The following NEB variants were observed in gnomAD, a reference collection of about 807,000 sequenced individuals.
NEB encodes nemaline myopathy type 2.
NEB carries 512 observed loss-of-function variants against 952.2 expected under a neutral mutation model. The observed-to-expected ratio is 0.54, with a 90% confidence interval of 0.50 to 0.58. The LOEUF (loss-of-function observed/expected upper bound fraction) is 0.58, where lower values mean the gene tolerates loss of function less well. NEB is among the 20% of genes least tolerant of loss of function. The probability of loss-of-function intolerance (pLI) is 0.00; values close to 1 mark genes in which losing one functional copy is unlikely to be tolerated. For synonymous variants in NEB, 2,900 were observed against 3,149.8 expected (o/e 0.92, Z 2.66); for missense variants, 8,428 against 9,231.1 (o/e 0.91, Z 3.56).
intron 18 of NEB, 38 bp from the exon 19 acceptor site, chr2:151,694,667 G>C: frequency 1.3e-6 from 2 of 1,502,534 alleles, no homozygotes; most frequent in Non-Finnish European, 1.8e-6. Flanking sequence ...TGGCAAAAGT[G>C]ATATGCATGT....
At chr2:151,520,033 GCAAAA>G in intron 153 of NEB, 7 of 176,186 alleles carry the variant, frequency 4.0e-5, no homozygotes, top group Non-Finnish European at 7.1e-5. Flanking sequence ...TCTTTCTAAT[GCAAAA>G]CAAAAAAAAA....
intron 124 of NEB, among the ~76,000 whole-genome samples, chr2:151,559,283 A>G (rs1417940028): frequency 2.0e-5 from 3 of 152,240 alleles, no homozygotes; most frequent in Non-Finnish European, 2.9e-5. Context: ...TTACAAAGTC[A>G]GGAAACAACA....
At chr2:151,504,391 T>TAAAG (rs2067145768) in intron 165 of NEB, among the ~76,000 whole-genome samples, 2 of 151,984 alleles carry the variant, frequency 1.3e-5, no homozygotes, top group Non-Finnish European at 2.9e-5. Context: ...AAAGCAAAAT[T>TAAAG]AAAGAAAACC....
At chr2:151,680,642 A>G (rs1038200828) in intron 30 of NEB, 88 bp downstream of exon 30, 73 of 986,164 alleles carry the variant, frequency 7.4e-5, no homozygotes, top group Middle Eastern at 4.3e-4. Flanking sequence ...CATATTGTAT[A>G]ATAACTAGAG....
intron 181 of NEB, 53 bp downstream of exon 181, chr2:151,489,918 G>T: frequency 7.4e-7 from 1 of 1,351,884 alleles, no homozygotes; most frequent in Non-Finnish European, 1.1e-6. Context: ...AATCATGTTT[G>T]CACATATCAA....
At chr2:151,695,538 TTG>T in intron 18 of NEB, 38 bp downstream of exon 18, 9 of 1,426,942 alleles carry the variant, frequency 6.3e-6, no homozygotes, top group Non-Finnish European at 8.8e-6. Flanking sequence ...AAAGCACAGG[TTG>T]TCAGTACATC....
At chr2:151,644,234 A>C in intron 56 of NEB, 105 bp from the exon 57 acceptor site, 1 of 1,444,792 alleles carries the variant, frequency 6.9e-7, no homozygotes, top group Non-Finnish European at 9.4e-7. Flanking sequence ...CTAAGCCTAG[A>C]GAGCCAAAGA....
chr2:151,565,151 A>G lies in NEB; in HGVS notation c.18367-3T>C, dbSNP rs1009241474. On this transcript the variant is annotated splice_polypyrimidine_tract_variant and splice_region_variant and intron_variant, in intron 116 of 181. Coordinates refer to ENST00000397345, the MANE Select transcript of NEB (RefSeq NM_001164508.2). ...TTAAATGTTTCTTTATATTTTACCT[A>G]AGGAGAGAAAACCAAATCTTTTATT... The G allele has an allele frequency of 4.1e-6, 6 of 1,449,246 alleles. No individual in the cohort carries two copies. Among genetic ancestry groups the G allele is most frequent in the Non-Finnish European group, 4.7e-6 (5 of 1,055,010 alleles). The allele number at this position is 1,449,246 out of a possible 1,614,324, so 89.8% of individuals were successfully genotyped here.
At chr2:151,628,759 G>C (rs2098592348) in intron 68 of NEB, among the ~76,000 whole-genome samples, 1 of 152,148 alleles carries the variant, frequency 6.6e-6, no homozygotes, top group African/African-American at 2.4e-5. Flanking sequence ...TTACTTGGGA[G>C]GCTGAGGCAG....
At chr2:151,605,084 G>A (rs1430580297) in intron 84 of NEB, among the ~76,000 whole-genome samples, 1 of 131,698 alleles carries the variant, frequency 7.6e-6, no homozygotes, top group Non-Finnish European at 1.7e-5. Context: ...GGAGGGAGAT[G>A]GTATGGTGAA....
chr2:151,490,215 TC>T (rs2055183118), intron 180 of NEB, 138 bp from the exon 181 acceptor site: 8 of 1,165,574 alleles, frequency 6.9e-6, no homozygotes, highest in Non-Finnish European at 9.7e-6. Flanking sequence ...AAATGAAACA[TC>T]TAACTTCATG....
chr2:151,610,643 C>T lies in NEB; in HGVS notation c.11911-20G>A, dbSNP rs749556721. ...AAGTTTCTAGGGAAGGGATAATAGA[C>T]GACAGAAAATAAGAGTGTTTGAGGA... On this transcript the variant is annotated intron_variant, in intron 79 of 181. Transcript: ENST00000397345. The T allele has an allele frequency of 8.2e-5, 130 of 1,591,838 alleles. No individual in the cohort carries two copies. Among genetic ancestry groups the T allele is most frequent in the Non-Finnish European group, 9.7e-5 (112 of 1,159,844 alleles).
rs1054864651 is a variant in NEB, at chr2:151,578,211, G to A, written c.16704+1127C>T. Among the ~76,000 whole-genome samples, 20 of 151,922 alleles carry A rather than the reference G, an allele frequency of 1.3e-4. 1 individual carries two copies. Among genetic ancestry groups the A allele is most frequent in the African/African-American group, 4.8e-4 (20 of 41,424 alleles). On this transcript the variant is annotated intron_variant, in intron 105 of 181. Transcript: ENST00000397345. ...TCCATCATTTCCAAAAGTTTGAAGGGCGGAAAATACGAGTAAATCTAAAAA... is the reference window on the plus strand; with the variant it reads ...TCCATCATTTCCAAAAGTTTGAAGGACGGAAAATACGAGTAAATCTAAAAA...
Position 151,535,748 on chromosome 2 carries a change from A to G in NEB, c.21255T>C (p.Tyr7085=). 1 of 1,609,042 alleles carries G rather than the reference A, an allele frequency of 6.2e-7. No homozygotes were observed. Among genetic ancestry groups the G allele is most frequent in the Non-Finnish European group, 8.5e-7 (1 of 1,177,320 alleles). ...VFERTKSDFK[Y]VADSPINRHF... is the part of the protein sequence containing the mutation. Reference sequence around the variant, plus strand: ...GCCTATTGATCGGAGAGTCGGCAACATACTTGAAATCTGACTTTGTCCTTT... The same window carrying G: ...GCCTATTGATCGGAGAGTCGGCAACGTACTTGAAATCTGACTTTGTCCTTT... Residue 7085 remains tyrosine (Y), a synonymous_variant, in exon 142 of 182, where the codon TAT becomes TAC. Transcript: ENST00000397345.
At position 151,679,767 on chromosome 2, in the gene NEB, G is replaced by T; in HGVS notation, c.3209C>A (p.Ala1070Glu). The change falls in exon 32 of 182, where the codon GCG (alanine) becomes GAG (glutamate). Residue 1070 changes from alanine (A) to glutamate (E), a missense_variant. Around this residue, in one of 11 missense-constraint regions of NEB, gnomAD observed 2,851 missense variants for 2,791.5 expected, o/e 1.02. Coordinates refer to ENST00000397345, the MANE Select transcript of NEB (RefSeq NM_001164508.2). ...SKKGYDLRTD[A>E]IPIRAAKAAR... Reference sequence around the variant, plus strand: ...AGCTTTGGCAGCTCTGATGGGAATCGCATCAGTTCTCAGGTCATATCCCTT... The same window carrying T: ...AGCTTTGGCAGCTCTGATGGGAATCTCATCAGTTCTCAGGTCATATCCCTT... The T allele has an allele frequency of 6.2e-7, 1 of 1,608,754 alleles. No individual in the cohort carries two copies. Among genetic ancestry groups the T allele is most frequent in the Non-Finnish European group, 8.5e-7 (1 of 1,176,944 alleles).
chr2:151,537,012 T>G (rs2093317158), intron 141 of NEB, 120 bp downstream of exon 141: 2 of 566,212 alleles, frequency 3.5e-6, no homozygotes, highest in East Asian at 5.7e-5. Context: ...GTACTCAGAC[T>G]ATAAGGTCTA....
At chr2:151,541,359 TGA>T in intron 136 of NEB, 86 bp downstream of exon 136, 1 of 907,996 alleles carries the variant, frequency 1.1e-6, no homozygotes, top group Non-Finnish European at 1.7e-6. Context: ...ACCAAGTGTG[TGA>T]GTCTGCCACT....
In NEB at chr2:151,723,477, T is replaced by G. The variant is rs1481947723; in HGVS notation, c.622A>C (p.Thr208Pro). ...NTAMFSKKLY[T>P]EDWEADKSLF... Reference sequence around the variant, plus strand: ...CTTTTGTCTGCTTCCCAGTCTTCAGTGTACAGTTTCTAAATCAAAAAAGAG... The same window carrying G: ...CTTTTGTCTGCTTCCCAGTCTTCAGGGTACAGTTTCTAAATCAAAAAAGAG... Residue 208 changes from threonine to proline, a missense_variant, in exon 9 of 182, where the codon ACT becomes CCT. This residue lies in a region of NEB where 2,851 missense variants were observed against 2,791.5 expected (regional missense o/e 1.02). Transcript: ENST00000397345. 1 of 1,604,048 alleles carries G rather than the reference T, an allele frequency of 6.2e-7. No individual in the cohort carries two copies. The highest frequency in any genetic ancestry group is 2.2e-5 in the East Asian group (1 of 44,712).
intron 141 of NEB, 23 bp downstream of exon 141, chr2:151,537,109 C>T: frequency 2.0e-6 from 3 of 1,468,228 alleles, no homozygotes; most frequent in Non-Finnish European, 1.9e-6. Flanking sequence ...TGGATGAGGC[C>T]AATTCTCCTT....
Sources: gnomAD v4.1 joint callset for allele counts (sites outside exome capture counted in the v4.1 genomes callset) on GRCh38, gnomAD v4.1.1 for gene constraint, gnomAD v4.1.1 regional missense constraint, MANE v1.5 for transcripts, NCBI Gene and HGNC (gene_info 2026-07-23, HGNC 2026-07-21) for gene names.